MKLN1: variants seen among roughly 807,000 people sequenced by gnomAD.
MKLN1 encodes muskelin.
MKLN1 carries 18 observed loss-of-function variants against 99.0 expected under a neutral mutation model. The ratio of observed to expected loss-of-function variants is 0.18; its 90% confidence interval spans 0.13 to 0.27. The LOEUF (loss-of-function observed/expected upper bound fraction) is 0.27, where lower values mean the gene tolerates loss of function less well. Among genes scored for constraint, MKLN1 ranks in the 10% least tolerant of loss-of-function variants. The pLI is 1.00. For missense variants in MKLN1, 621 were observed against 875.9 expected (o/e 0.71, Z 3.67); for synonymous variants, 288 against 293.2 (o/e 0.98, Z 0.18).
chr7:131,160,477 TTTATTA>T (rs907060000), intron 2 of MKLN1, among the ~76,000 whole-genome samples: 6 of 141,172 alleles, frequency 4.3e-5, no homozygotes, highest in Admixed American at 2.3e-4. Context: ...TTTAACTTAT[TTTATTA>T]TTATTATTAA....
intron 15 of MKLN1, among the ~76,000 whole-genome samples, chr7:131,468,671 A>C (rs1316649888): frequency 6.6e-6 from 1 of 152,172 alleles, no homozygotes; most frequent in Non-Finnish European, 1.5e-5. Flanking sequence ...GGCAAAAAAA[A>C]TTGTTATAGG....
chr7:131,159,036 T>TA (rs1796008999), intron 2 of MKLN1, among the ~76,000 whole-genome samples: 3 of 150,172 alleles, frequency 2.0e-5, no homozygotes, highest in South Asian at 2.1e-4. Context: ...ACAAAAAAAT[T>TA]TAAAAAAAAA....
chr7:131,126,050 ATTAATTAAT>A (rs759112050), intron 1 of MKLN1, among the ~76,000 whole-genome samples: 6 of 55,974 alleles, frequency 1.1e-4, no homozygotes, highest in Non-Finnish European at 3.3e-4. Context: ...AAATAAATAA[ATTAATTAAT>A]TAATAAATAA....
chr7:131,430,861 G>T (rs1175789680), intron 9 of MKLN1, among the ~76,000 whole-genome samples: 1 of 152,080 alleles, frequency 6.6e-6, no homozygotes, highest in African/African-American at 2.4e-5. Context: ...ATTGGAGGTG[G>T]AGACTGCAGT....
chr7:131,218,232 G>C (rs1005060266), intron 3 of MKLN1, among the ~76,000 whole-genome samples: 1 of 152,114 alleles, frequency 6.6e-6, no homozygotes, highest in East Asian at 1.9e-4. Context: ...TTATCCATAG[G>C]GGCAATTGGA....
chr7:131,303,181 A>G (rs910695991), intron 3 of MKLN1, among the ~76,000 whole-genome samples: 3 of 152,222 alleles, frequency 2.0e-5, no homozygotes, highest in African/African-American at 7.2e-5. Flanking sequence ...AGCTCTGCAA[A>G]CCAAGGAAGG....
At chr7:131,122,189 A>C (rs1256927408) in intron 1 of MKLN1, among the ~76,000 whole-genome samples, 1 of 152,246 alleles carries the variant, frequency 6.6e-6, no homozygotes, top group Non-Finnish European at 1.5e-5. Flanking sequence ...AAAGAGAGAA[A>C]GATGCATGGC....
intron 2 of MKLN1, among the ~76,000 whole-genome samples, chr7:131,151,200 G>A (rs1249335329): frequency 6.6e-6 from 1 of 152,232 alleles, no homozygotes; most frequent in Non-Finnish European, 1.5e-5. Flanking sequence ...ATCGGAAGGA[G>A]CAGCCTTCCC....
At chr7:131,408,516 A>G (rs1794776400) in intron 6 of MKLN1, among the ~76,000 whole-genome samples, 1 of 152,162 alleles carries the variant, frequency 6.6e-6, no homozygotes, top group South Asian at 2.1e-4. Flanking sequence ...ACTATAATCT[A>G]TGTGGATTTT....
chr7:131,261,949 A>G (rs1183204681), intron 3 of MKLN1, among the ~76,000 whole-genome samples: 1 of 152,188 alleles, frequency 6.6e-6, no homozygotes, highest in Non-Finnish European at 1.5e-5. Context: ...GAGTACATAT[A>G]GACACAAAAA....
At chr7:131,196,767 C>G (rs991248634) in intron 2 of MKLN1, among the ~76,000 whole-genome samples, 1 of 152,120 alleles carries the variant, frequency 6.6e-6, no homozygotes, top group African/African-American at 2.4e-5. Context: ...ATCACTTGCT[C>G]TTTTCTCTAT....
intron 1 of MKLN1, among the ~76,000 whole-genome samples, chr7:131,333,121 A>C (rs1799127945): frequency 6.6e-6 from 1 of 152,104 alleles, no homozygotes; most frequent in Non-Finnish European, 1.5e-5. Context: ...ACACTGTTTC[A>C]CCATGTTGGC....
At chr7:131,147,616 A>G (rs754222531) in intron 2 of MKLN1, among the ~76,000 whole-genome samples, 1 of 152,194 alleles carries the variant, frequency 6.6e-6, no homozygotes, top group East Asian at 1.9e-4. Flanking sequence ...CATCATCACC[A>G]TTTTATAAAT....
In MKLN1 at chr7:131,438,016, T is replaced by C. The variant is rs1249521605; in HGVS notation, c.1173+19T>C. The C allele has an allele frequency of 1.9e-6, 3 of 1,570,962 alleles. No homozygotes were observed. Among genetic ancestry groups the C allele is most frequent in the Non-Finnish European group, 1.8e-6 (2 of 1,140,904 alleles). ...TCATCAGGTTTGATGCACAGTTAAA[T>C]ATATGATGGAATTAATCAGTGCTTA... On this transcript the variant is annotated intron_variant, in intron 10 of 17. Coordinates refer to ENST00000352689, the MANE Select transcript of MKLN1 (RefSeq NM_013255.5).
chr7:131,375,162 T>C (rs1793602753), intron 1 of MKLN1, among the ~76,000 whole-genome samples: 1 of 152,176 alleles, frequency 6.6e-6, no homozygotes, highest in African/African-American at 2.4e-5. Flanking sequence ...GTGTAAAGTA[T>C]TAATATAACT....
intron 1 of MKLN1, among the ~76,000 whole-genome samples, chr7:131,335,198 TTTG>T (rs946939445): frequency 4.6e-5 from 7 of 152,324 alleles, no homozygotes; most frequent in African/African-American, 2.4e-5. Flanking sequence ...AGAAAATTTT[TTTG>T]TTGTTGTTTA....
chr7:131,436,961 T>C (rs1160216695), intron 9 of MKLN1, among the ~76,000 whole-genome samples: 2 of 152,228 alleles, frequency 1.3e-5, no homozygotes, highest in Non-Finnish European at 2.9e-5. Flanking sequence ...ACTTGGATTC[T>C]TATTAGTTTC....
At chr7:131,264,320 C>T (rs1417152940) in intron 3 of MKLN1, among the ~76,000 whole-genome samples, 2 of 152,152 alleles carry the variant, frequency 1.3e-5, no homozygotes, top group Non-Finnish European at 2.9e-5. Context: ...TAAGGAAGAG[C>T]ATCTATTTCA....
chr7:131,454,136 T>G (rs552774600), intron 12 of MKLN1, among the ~76,000 whole-genome samples: 1 of 152,162 alleles, frequency 6.6e-6, no homozygotes, highest in East Asian at 1.9e-4. Context: ...CTAAGCATTT[T>G]ACTCCACGAA....
Sources: gnomAD v4.1 joint callset for allele counts (sites outside exome capture counted in the v4.1 genomes callset) on GRCh38, gnomAD v4.1.1 for gene constraint, MANE v1.5 for transcripts, NCBI Gene and HGNC (gene_info 2026-07-23, HGNC 2026-07-21) for gene names.